The following TAB3 variants were observed in gnomAD, a reference collection of about 807,000 sequenced individuals.
TAB3 encodes TGF-beta-activated kinase 1 and MAP3K7-binding protein 3.
Under a neutral mutation model 48.1 loss-of-function variants are expected in TAB3, and 18 were observed. The ratio of observed to expected loss-of-function variants is 0.37; its 90% CI spans 0.26 to 0.55. The LOEUF is 0.55. Among genes scored for constraint, TAB3 ranks in the 20% least tolerant of loss-of-function variants. The pLI is 0.78. For missense variants in TAB3, 414 were observed against 549.8 expected (o/e 0.75, Z 2.47); for synonymous variants, 185 against 190.2 (o/e 0.97, Z 0.22).
intron 1 of TAB3, among the ~76,000 whole-genome samples, chrX:30,872,988 A>G (rs762393805): frequency 8.9e-6 from 1 of 112,334 alleles, no homozygotes; most frequent in South Asian, 3.7e-4. Context: ...AAGTTAAACA[A>G]TATCTCACCA....
At chrX:30,861,166 G>A (rs966617622) in intron 4 of TAB3, among the ~76,000 whole-genome samples, 6 of 112,047 alleles carry the variant, frequency 5.4e-5, no homozygotes, top group African/African-American at 1.3e-4. Flanking sequence ...ACAAAAGCCT[G>A]TAGCTCTACT....
intron 4 of TAB3, 65 bp from the exon 5 acceptor site, chrX:30,859,743 T>C: frequency 2.2e-6 from 1 of 446,880 alleles, no homozygotes. Flanking sequence ...TTCCTATTGA[T>C]CCTATACATC....
At chrX:30,853,486 G>A (rs5972247) in intron 6 of TAB3, among the ~76,000 whole-genome samples, 8,767 of 111,579 alleles carry the variant, frequency 0.079, 735 homozygotes, top group African/African-American at 0.25. Context: ...AAATTCTTTC[G>A]TTTGATGAAC....
In TAB3 at chrX:30,831,591, A is replaced by G; in HGVS notation, c.1991-16T>C. The G allele has an allele frequency of 3.3e-6, 4 of 1,203,679 alleles. No homozygotes were observed. The highest frequency in any genetic ancestry group is 4.5e-6 in the Non-Finnish European group (4 of 890,925). On this transcript the variant is annotated splice_polypyrimidine_tract_variant and intron_variant, in intron 10 of 10. Transcript: ENST00000288422. ...GTTCGATGCTCTGAGGGAGGTTAGG[A>G]TTAAGGGGGAGGGGGAAGGTAAATA...
At chrX:30,883,960 T>A (rs2147417600) in intron 1 of TAB3, among the ~76,000 whole-genome samples, 1 of 111,749 alleles carries the variant, frequency 8.9e-6, no homozygotes, top group Non-Finnish European at 1.9e-5. Context: ...AATAAAGACG[T>A]TGCAATTACT....
At position 30,859,391 on chromosome X, in the gene TAB3, C is replaced by CA. The variant is rs1419365985; in HGVS notation, c.102+95dup. 5 of 632,527 alleles carry CA rather than the reference C, an allele frequency of 7.9e-6. No homozygotes were observed. The African/African-American group carries it at 9.2e-5, about 12-fold the overall frequency. 52.1% of individuals were successfully genotyped at this position (632,527 alleles called of 1,213,427 possible). A position where few individuals can be genotyped will look rare whatever the true frequency, so the allele number is the denominator to read the frequency against. ...ACACACACACACACACACACACACA[C>CA]AAGAAAACATACCTGGGTTCTAATT... is the stretch of plus-strand genomic sequence containing the variant. On this transcript the variant is annotated intron_variant, in intron 5 of 10. Transcript: ENST00000288422.
chrX:30,859,621 GA>G lies in TAB3; in HGVS notation c.-34del. The G allele has an allele frequency of 2.9e-6, 3 of 1,022,719 alleles. No individual in the cohort carries two copies. Among genetic ancestry groups the G allele is most frequent in the Non-Finnish European group, 4.1e-6 (3 of 730,874 alleles). 84.3% of individuals were successfully genotyped at this position (1,022,719 alleles called of 1,213,427 possible). On this transcript the variant is annotated 5_prime_UTR_variant, in exon 5 of 11. Coordinates refer to ENST00000288422, the MANE Select transcript of TAB3 (RefSeq NM_152787.5). ...CAAATGGTGGCCAAGTTTCTCTTAG[GA>G]AATGGATGTTAACCGGCTTTCCAAA...
intron 10 of TAB3, among the ~76,000 whole-genome samples, chrX:30,831,965 CTATAG>C (rs1938044280): frequency 8.9e-6 from 1 of 111,914 alleles, no homozygotes; most frequent in Non-Finnish European, 1.9e-5. Flanking sequence ...CTTTTCCTCT[CTATAG>C]TATAATACTA....
chrX:30,840,184 T>C (rs1405562112), intron 9 of TAB3, among the ~76,000 whole-genome samples: 2 of 110,060 alleles, frequency 1.8e-5, no homozygotes, highest in African/African-American at 3.3e-5. Flanking sequence ...TTGAAGTTTA[T>C]TGATTTTGTT....
chrX:30,875,524 A>G (rs1391349532), intron 1 of TAB3, among the ~76,000 whole-genome samples: 1 of 110,779 alleles, frequency 9.0e-6, no homozygotes, highest in Admixed American at 9.6e-5. Context: ...ATACCTACAT[A>G]TAAGTATGCT....
chrX:30,861,867 T>G (rs900151482), intron 4 of TAB3, among the ~76,000 whole-genome samples: 2 of 112,592 alleles, frequency 1.8e-5, no homozygotes, highest in Non-Finnish European at 3.8e-5. Flanking sequence ...AAATCAGTTA[T>G]TTTATATATA....
intron 7 of TAB3, among the ~76,000 whole-genome samples, chrX:30,847,360 G>C (rs1213462209): frequency 9.1e-6 from 1 of 109,618 alleles, no homozygotes; most frequent in Non-Finnish European, 1.9e-5. Context: ...TACCTCTTCA[G>C]GCCAGCCCAC....
chrX:30,851,802 A>C (rs187126023), intron 7 of TAB3, among the ~76,000 whole-genome samples: 1 of 112,112 alleles, frequency 8.9e-6, no homozygotes, highest in East Asian at 2.8e-4. Flanking sequence ...GTAGAGGTTA[A>C]GTTGAGCCTT....
chrX:30,827,988 A>G lies in TAB3; in HGVS notation c.*3439T>C, dbSNP rs1469237127. On this transcript the variant is annotated 3_prime_UTR_variant, in exon 11 of 11. Transcript: ENST00000288422. Reference sequence around the variant, plus strand: ...TTTTAAAAGTAACATTTCAGTTGTCATTTTTCTTTCTCTACAGATAGATAT... The same window carrying G: ...TTTTAAAAGTAACATTTCAGTTGTCGTTTTTCTTTCTCTACAGATAGATAT... The G allele has an allele frequency of 8.9e-6, 1 of 112,209 alleles. No homozygotes were observed. The highest frequency in any genetic ancestry group is 1.9e-5 in the Non-Finnish European group (1 of 53,158). 9.2% of individuals were successfully genotyped at this position (112,209 alleles called of 1,213,427 possible).
In TAB3 at chrX:30,885,035, A is replaced by T. The variant is rs528319323; in HGVS notation, c.-383+4079T>A. 5.5e-4 allele frequency among the ~76,000 whole-genome samples: 62 copies of T among 112,539 alleles called. No individual in the cohort carries two copies. The South Asian group carries it at 0.023, about 41-fold the overall frequency. On this transcript the variant is annotated intron_variant, in intron 1 of 10. Transcript: ENST00000288422. ...ACTAACTTAAATTTTATTTCAAAAC[A>T]TGTGCCTAAATTTAGAAATTCTTCA...
chrX:30,879,611 T>C (rs1015596523), intron 1 of TAB3, among the ~76,000 whole-genome samples: 1 of 111,494 alleles, frequency 9.0e-6, no homozygotes, highest in Non-Finnish European at 1.9e-5. Flanking sequence ...AATCTGATGA[T>C]AGCTAGAAAA....
At chrX:30,880,341 A>T (rs1233170247) in intron 1 of TAB3, among the ~76,000 whole-genome samples, 3 of 112,086 alleles carry the variant, frequency 2.7e-5, no homozygotes, top group Non-Finnish European at 5.6e-5. Flanking sequence ...AAACAGACCA[A>T]AGGAACAGAA....
intron 1 of TAB3, among the ~76,000 whole-genome samples, chrX:30,874,897 G>A (rs567436981): frequency 1.2e-3 from 131 of 112,046 alleles, no homozygotes; most frequent in South Asian, 3.4e-3. Flanking sequence ...TTTAGAACTG[G>A]AAAAATTGAG....
intron 7 of TAB3, among the ~76,000 whole-genome samples, chrX:30,847,723 A>G (rs1042501888): frequency 9.9e-5 from 11 of 111,470 alleles, no homozygotes; most frequent in Non-Finnish European, 1.7e-4. Flanking sequence ...ATATGTTAAT[A>G]TGCCAGTGAA....
Sources: gnomAD v4.1 joint callset for allele counts (sites outside exome capture counted in the v4.1 genomes callset) on GRCh38, gnomAD v4.1.1 for gene constraint, MANE v1.5 for transcripts, NCBI Gene and HGNC (gene_info 2026-07-23, HGNC 2026-07-21) for gene names.